The following ITGA8 variants were observed in gnomAD, a reference collection of about 807,000 sequenced individuals.
ITGA8 encodes the protein integrin alpha-8.
ITGA8 carries 91 observed loss-of-function variants against 142.3 expected under a neutral mutation model. The ratio of observed to expected loss-of-function variants is 0.64; its 90% confidence interval spans 0.54 to 0.76. The LOEUF is 0.76. Ranked by LOEUF, ITGA8 falls within the 30% of genes least tolerant of loss-of-function variation. The probability of loss-of-function intolerance (pLI) is 0.00; values close to 1 mark genes in which losing one functional copy is unlikely to be tolerated. For synonymous variants in ITGA8, 505 were observed against 485.2 expected, an observed-to-expected ratio of 1.04 and a Z score of -0.54; for missense variants, 1,406 against 1,327.7, an observed-to-expected ratio of 1.06 and a Z score of -0.92.
intron 13 of ITGA8, among the ~76,000 whole-genome samples, chr10:15,617,366 A>T (rs1372006893): frequency 1.3e-5 from 2 of 151,470 alleles, no homozygotes; most frequent in East Asian, 3.9e-4. Context: ...ACAATTATTT[A>T]GGTGATTGGC....
chr10:15,640,626 A>G (rs567364098), intron 13 of ITGA8, among the ~76,000 whole-genome samples: 62 of 152,160 alleles, frequency 4.1e-4, no homozygotes, highest in Non-Finnish European at 8.2e-4. Context: ...GCAAAACATC[A>G]CAAGACTGCA....
In ITGA8 at chr10:15,605,478, AT is replaced by A. The variant is rs3216028; in HGVS notation, c.1970+245del. 0.4 allele frequency among the ~76,000 whole-genome samples: 60,626 copies of A among 151,656 alleles called. 12,427 individuals carry two copies. Among genetic ancestry groups the A allele is most frequent in the South Asian group, 0.57 (2,755 of 4,794 alleles). Reference sequence around the variant, plus strand: ...CAATGAGTTTACTTTCAACAAAAACATTTTTTTCCCCACTTTTGCTGAAAGA... The same window carrying A: ...CAATGAGTTTACTTTCAACAAAAACATTTTTTCCCCACTTTTGCTGAAAGA... On this transcript the variant is annotated intron_variant, in intron 19 of 29. Coordinates refer to ENST00000378076, the MANE Select transcript of ITGA8 (RefSeq NM_003638.3).
Position 15,659,056 on chromosome 10 carries a change from C to G in ITGA8, c.892-1G>C. ...TATCCGTAGAGTTAATGATGGAAAC[C>G]TGAAATCACAGAAATTAAACAGGTT... On this transcript the variant is annotated splice_acceptor_variant, in intron 9 of 29. Coordinates refer to ENST00000378076, the MANE Select transcript of ITGA8 (RefSeq NM_003638.3). LOFTEE classifies it high-confidence loss of function. 1 of 1,603,222 alleles carries G rather than the reference C, an allele frequency of 6.2e-7. No individual in the cohort carries two copies. The highest frequency in any genetic ancestry group is 2.2e-5 in the East Asian group (1 of 44,446).
At chr10:15,693,044 G>A (rs1463987071) in intron 2 of ITGA8, among the ~76,000 whole-genome samples, 1 of 152,078 alleles carries the variant, frequency 6.6e-6, no homozygotes, top group East Asian at 1.9e-4. Flanking sequence ...TCCAGCCTGG[G>A]CAACAAAGTA....
At chr10:15,696,089 C>A (rs945350302) in intron 2 of ITGA8, among the ~76,000 whole-genome samples, 1 of 152,160 alleles carries the variant, frequency 6.6e-6, no homozygotes, top group Non-Finnish European at 1.5e-5. Context: ...CATGGGACAA[C>A]GCATTTAGGG....
At chr10:15,520,694 C>T (rs1474715077) in intron 28 of ITGA8, among the ~76,000 whole-genome samples, 1 of 152,246 alleles carries the variant, frequency 6.6e-6, no homozygotes. Context: ...GAAAAGAGCG[C>T]TACATTATTC....
chr10:15,586,700 C>A (rs1460820887), intron 22 of ITGA8, 36 bp from the exon 23 acceptor site: 2 of 1,201,590 alleles, frequency 1.7e-6, no homozygotes. Context: ...AATCTATCTG[C>A]TCAGGAGTAT....
intron 13 of ITGA8, among the ~76,000 whole-genome samples, chr10:15,622,773 A>G (rs900308796): frequency 6.6e-6 from 1 of 152,222 alleles, no homozygotes; most frequent in Non-Finnish European, 1.5e-5. Context: ...CATACAAATT[A>G]GTATTAAAAC....
rs1833656586 is a variant in ITGA8, at chr10:15,629,991, T to C, written c.1400-13432A>G. Among the ~76,000 whole-genome samples, 6 of 152,154 alleles carry C rather than the reference T, an allele frequency of 3.9e-5. No homozygotes were observed. The South Asian group carries it at 1.2e-3, about 32-fold the overall frequency. Reference sequence around the variant, plus strand: ...GTTTGGAGAAAGGCACAGACCTGTCTCCAGGAATGCATCCTTAAGTTTGGC... The same window carrying C: ...GTTTGGAGAAAGGCACAGACCTGTCCCCAGGAATGCATCCTTAAGTTTGGC... On this transcript the variant is annotated intron_variant, in intron 13 of 29. Transcript: ENST00000378076.
At chr10:15,668,698 C>G (rs998246235) in intron 8 of ITGA8, among the ~76,000 whole-genome samples, 2 of 151,946 alleles carry the variant, frequency 1.3e-5, no homozygotes, top group Non-Finnish European at 2.9e-5. Flanking sequence ...TTCAGGAGCT[C>G]TTTTAGGGCA....
intron 8 of ITGA8, among the ~76,000 whole-genome samples, chr10:15,665,904 G>A (rs1834382592): frequency 6.6e-6 from 1 of 152,212 alleles, no homozygotes; most frequent in Non-Finnish European, 1.5e-5. Context: ...GTACCATGCT[G>A]TTTTGGTTAC....
chr10:15,685,920 A>T (rs1834826624), intron 3 of ITGA8, among the ~76,000 whole-genome samples: 1 of 152,212 alleles, frequency 6.6e-6, no homozygotes, highest in Non-Finnish European at 1.5e-5. Context: ...AGTAAATGAA[A>T]TAACATTTTG....
chr10:15,544,591 T>G lies in ITGA8; in HGVS notation c.2880+3864A>C, dbSNP rs17137406. ...CATCTGACTAGAGAAAAACAGGATT[T>G]ACAGTTTATGCTTTCAGACAAATTG... On this transcript the variant is annotated intron_variant, in intron 27 of 29. Coordinates refer to ENST00000378076, the MANE Select transcript of ITGA8 (RefSeq NM_003638.3). Among the ~76,000 whole-genome samples, 1,611 of 152,320 alleles carry G rather than the reference T, an allele frequency of 0.011. 85 individuals are homozygous for G. In the East Asian group the frequency reaches 0.14, roughly 13 times the overall value.
chr10:15,574,326 G>A (rs1008032886), intron 24 of ITGA8, among the ~76,000 whole-genome samples: 5 of 152,130 alleles, frequency 3.3e-5, no homozygotes, highest in Admixed American at 1.3e-4. Flanking sequence ...TCCAATTTGG[G>A]TTCTTTGGAT....
At chr10:15,554,070 G>C (rs556791807) in intron 26 of ITGA8, among the ~76,000 whole-genome samples, 2 of 151,992 alleles carry the variant, frequency 1.3e-5, no homozygotes, top group South Asian at 2.1e-4. Context: ...TTAATATGGC[G>C]TTATCCTACT....
At chr10:15,678,671 T>C in intron 5 of ITGA8, 51 bp downstream of exon 5, 1 of 1,248,986 alleles carries the variant, frequency 8.0e-7, no homozygotes, top group Non-Finnish European at 1.2e-6. Context: ...AGGCAGAGGG[T>C]AAAAAAAAAT....
intron 23 of ITGA8, among the ~76,000 whole-genome samples, chr10:15,577,495 C>T (rs1564359445): frequency 1.3e-5 from 2 of 152,014 alleles, no homozygotes; most frequent in Admixed American, 6.6e-5. Flanking sequence ...ACTTAAACTT[C>T]CTGGCACAGT....
intron 2 of ITGA8, among the ~76,000 whole-genome samples, chr10:15,710,891 C>T (rs1024028975): frequency 2.6e-5 from 4 of 152,116 alleles, no homozygotes; most frequent in African/African-American, 4.8e-5. Flanking sequence ...CCTTCTCTCT[C>T]GTGTCAGTAT....
intron 10 of ITGA8, among the ~76,000 whole-genome samples, chr10:15,656,735 T>G (rs943972497): frequency 6.6e-6 from 1 of 152,204 alleles, no homozygotes; most frequent in Non-Finnish European, 1.5e-5. Flanking sequence ...TCAGGATTTA[T>G]GCTCTCACCA....
Sources: allele counts gnomAD v4.1 joint callset (sites outside exome capture counted in the v4.1 genomes callset), GRCh38; gene constraint gnomAD v4.1.1; transcripts MANE v1.5; gene names NCBI Gene and HGNC (gene_info 2026-07-23, HGNC 2026-07-21).